The following ZPBP variants were observed in gnomAD, a reference collection of about 807,000 sequenced individuals.
ZPBP encodes the protein zona pellucida-binding protein 1.
In ZPBP, 26 loss-of-function variants were observed where a neutral mutation model predicts 44.8. That is an observed-to-expected ratio of 0.58 (90% CI 0.43 to 0.81). The LOEUF is 0.81. Ranked by LOEUF, ZPBP falls within the 30% of genes least tolerant of loss-of-function variation. The probability of loss-of-function intolerance (pLI) is 0.00; values close to 1 mark genes in which losing one functional copy is unlikely to be tolerated. For synonymous variants in ZPBP, 174 were observed against 153.2 expected, an observed-to-expected ratio of 1.14 and a Z score of -1.00; for missense variants, 409 against 434.0, an observed-to-expected ratio of 0.94 and a Z score of 0.51.
At chr7:49,897,041 G>A (rs1027081849) in intron 2 of ZPBP, among the ~76,000 whole-genome samples, 7 of 151,806 alleles carry the variant, frequency 4.6e-5, no homozygotes, top group Non-Finnish European at 8.8e-5. Flanking sequence ...GACTACAGGC[G>A]CCCGCCACCT....
At chr7:49,933,336 T>A (rs150854479), downstream of ZPBP, among the ~76,000 whole-genome samples, 2 of 152,334 alleles carry the variant, frequency 1.3e-5, no homozygotes, top group East Asian at 3.9e-4. Context: ...CTGTAATTAA[T>A]ACTGTATCAA....
intron 7 of ZPBP, among the ~76,000 whole-genome samples, chr7:49,950,062 G>A (rs966878737): frequency 3.9e-5 from 6 of 151,906 alleles, no homozygotes; most frequent in African/African-American, 1.4e-4. Context: ...TATTCATTAT[G>A]GCACTGTGTG....
chr7:49,864,895 T>C (rs1340398929), intron 2 of ZPBP, among the ~76,000 whole-genome samples: 1 of 152,238 alleles, frequency 6.6e-6, no homozygotes, highest in Non-Finnish European at 1.5e-5. Flanking sequence ...GCTTGCTTTG[T>C]TGCTGTAAAC....
chr7:50,086,202 CA>C (rs1309507324), intron 2 of ZPBP, among the ~76,000 whole-genome samples: 1 of 152,040 alleles, frequency 6.6e-6, no homozygotes, highest in Non-Finnish European at 1.5e-5. Context: ...ACGATATCAG[CA>C]AACAGCAACA....
intron 6 of ZPBP, among the ~76,000 whole-genome samples, chr7:49,986,441 C>T (rs949387033): frequency 5.3e-5 from 8 of 152,188 alleles, no homozygotes; most frequent in Non-Finnish European, 5.9e-5. Flanking sequence ...AAGGGTCCTG[C>T]GTGGCAGGCT....
intron 7 of ZPBP, among the ~76,000 whole-genome samples, chr7:49,981,553 A>G (rs1796940501): frequency 1.3e-5 from 1 of 77,814 alleles, no homozygotes; most frequent in Non-Finnish European, 2.3e-5. Flanking sequence ...ATAATTATAT[A>G]AATTATATAT....
intron 7 of ZPBP, among the ~76,000 whole-genome samples, chr7:49,947,868 G>A (rs939968491): frequency 6.6e-6 from 1 of 152,280 alleles, no homozygotes; most frequent in East Asian, 1.9e-4. Context: ...AATCTACCTG[G>A]TCCTCTATTC....
At chr7:49,882,261 A>C (rs1469571413) in intron 2 of ZPBP, among the ~76,000 whole-genome samples, 3 of 152,122 alleles carry the variant, frequency 2.0e-5, no homozygotes, top group Non-Finnish European at 2.9e-5. Context: ...TAGGAGGAGG[A>C]AGAGAGATTC....
downstream of ZPBP, among the ~76,000 whole-genome samples, chr7:49,845,908 T>G (rs1388781705): frequency 6.6e-6 from 1 of 152,152 alleles, no homozygotes; most frequent in Non-Finnish European, 1.5e-5. Flanking sequence ...ATCTTACATA[T>G]TCATCACTGG....
chr7:49,947,717 C>T (rs76532640), intron 7 of ZPBP, among the ~76,000 whole-genome samples: 7,291 of 152,260 alleles, frequency 0.048, 177 homozygotes, highest in African/African-American at 0.066. Context: ...GCCTAACTAC[C>T]GCTTATGTTC....
intron 3 of ZPBP, among the ~76,000 whole-genome samples, chr7:50,072,289 T>C (rs1476178110): frequency 6.6e-6 from 1 of 152,124 alleles, no homozygotes; most frequent in Non-Finnish European, 1.5e-5. Context: ...CAGGGTAGAA[T>C]GGGAAGGAGT....
chr7:49,864,404 T>G (rs1790794578), intron 2 of ZPBP, among the ~76,000 whole-genome samples: 1 of 152,168 alleles, frequency 6.6e-6, no homozygotes, highest in Admixed American at 6.5e-5. Context: ...TCTTCTCAGT[T>G]TTTTTCTGAT....
chr7:50,058,024 A>G lies in ZPBP; in HGVS notation c.452T>C (p.Ile151Thr), dbSNP rs371446948. 1.6e-5 allele frequency: 26 copies of G among 1,612,812 alleles called. No homozygotes were observed. The highest frequency in any genetic ancestry group is 2.1e-5 in the Non-Finnish European group (25 of 1,179,630). ...FLEYKPTVEE[I>T]VKRLQLKYAI... is the part of the protein sequence containing the mutation. ...ATATTTTAGTTGAAGACGTTTAACA[A>G]TTTCTTCCACAGTAGGTTTATATTC... Residue 151 changes from isoleucine (I) to threonine (T), a missense_variant, in exon 4 of 8, where the codon ATT becomes ACT. By Grantham distance (89) the Ile-to-Thr change is moderately conservative. Transcript: ENST00000046087.
intron 4 of ZPBP, among the ~76,000 whole-genome samples, chr7:50,044,065 C>T (rs1800222720): frequency 6.6e-6 from 1 of 152,166 alleles, no homozygotes; most frequent in Non-Finnish European, 1.5e-5. Context: ...TGAATGACTA[C>T]TGGGTAAATG....
intron 7 of ZPBP, among the ~76,000 whole-genome samples, chr7:49,965,728 C>A (rs1038906589): frequency 4.0e-5 from 6 of 151,850 alleles, no homozygotes; most frequent in Non-Finnish European, 7.4e-5. Context: ...CGGATGTCTA[C>A]AATAGCACAA....
chr7:49,916,175 A>T (rs1435931479), intron 1 of ZPBP: 1 of 152,194 alleles, frequency 6.6e-6, no homozygotes, highest in Non-Finnish European at 1.5e-5. Flanking sequence ...CTAAATGTAG[A>T]TCTAGTTTTC....
chr7:50,044,028 C>G (rs1156490417), intron 4 of ZPBP, among the ~76,000 whole-genome samples: 1 of 152,182 alleles, frequency 6.6e-6, no homozygotes, highest in Non-Finnish European at 1.5e-5. Context: ...AACTGCACAA[C>G]TATGTGGAAA....
intron 1 of ZPBP, among the ~76,000 whole-genome samples, chr7:49,923,227 C>A (rs190980926): frequency 6.6e-6 from 1 of 151,444 alleles, no homozygotes; most frequent in Admixed American, 6.6e-5. Flanking sequence ...TGATGACAGA[C>A]GATAAAACAA....
rs1222964545 is a variant in ZPBP at position 50,023,558 on chromosome 7, T to C, written c.707-5242A>G. On this transcript the variant is annotated intron_variant, in intron 5 of 7. Coordinates refer to ENST00000046087, the MANE Select transcript of ZPBP (RefSeq NM_007009.3). ...AAGAACTATTTAACTAATTTTTTAC[T>C]ACCTAGTGCATAATGTTCAGCTTTC... Among the ~76,000 whole-genome samples, 3 of 152,100 alleles carry C rather than the reference T, an allele frequency of 2.0e-5. No individual in the cohort carries two copies. In the East Asian group the frequency reaches 5.8e-4, roughly 29 times the overall value.
Sources: allele counts gnomAD v4.1 joint callset (sites outside exome capture counted in the v4.1 genomes callset), GRCh38; gene constraint gnomAD v4.1.1; transcripts MANE v1.5; gene names NCBI Gene and HGNC (gene_info 2026-07-23, HGNC 2026-07-21).